RABEP1: variants seen among roughly 807,000 people sequenced by gnomAD.
RABEP1 encodes the protein rab GTPase-binding effector protein 1.
A neutral mutation model predicts 123.4 loss-of-function variants in RABEP1; 51 were observed. The ratio of observed to expected loss-of-function variants is 0.41; its 90% confidence interval spans 0.33 to 0.52. The LOEUF (loss-of-function observed/expected upper bound fraction) is 0.52. Ranked by LOEUF, RABEP1 falls within the 20% of genes least tolerant of loss-of-function variation. The probability of loss-of-function intolerance (pLI) is 0.16; values close to 1 mark genes in which losing one functional copy is unlikely to be tolerated. For synonymous variants in RABEP1, 347 were observed against 355.2 expected, an observed-to-expected ratio of 0.98 and a Z score of 0.26; for missense variants, 888 against 996.3, an observed-to-expected ratio of 0.89 and a Z score of 1.46.
intron 5 of RABEP1, 38 bp downstream of exon 5, chr17:5,338,176 G>C (rs1907264390): frequency 7.6e-6 from 12 of 1,580,806 alleles, no homozygotes; most frequent in Non-Finnish European, 9.5e-6. Context: ...TGAAACCCAA[G>C]TTTCTGCCCC....
chr17:5,286,950 A>G (rs2585294), intron 1 of RABEP1, among the ~76,000 whole-genome samples: 56,144 of 152,118 alleles, frequency 0.37, 12,596 homozygotes, highest in Non-Finnish European at 0.51. Flanking sequence ...TGAAGTAGAT[A>G]GAGGAGTTAG....
intron 12 of RABEP1, among the ~76,000 whole-genome samples, chr17:5,369,499 C>T (rs1033337216): frequency 6.6e-6 from 1 of 152,128 alleles, no homozygotes; most frequent in African/African-American, 2.4e-5. Flanking sequence ...ATCTGAATGG[C>T]CTATGAGCTG....
intron 2 of RABEP1, among the ~76,000 whole-genome samples, chr17:5,313,270 A>C (rs972071209): frequency 2.0e-5 from 3 of 152,142 alleles, no homozygotes; most frequent in African/African-American, 7.2e-5. Flanking sequence ...TGTATATATA[A>C]AAGGTTGTGG....
At chr17:5,376,450 ATTG>A (rs1423517843) in intron 13 of RABEP1, among the ~76,000 whole-genome samples, 1 of 152,212 alleles carries the variant, frequency 6.6e-6, no homozygotes, top group Non-Finnish European at 1.5e-5. Flanking sequence ...TTTTATATAT[ATTG>A]TTATTTGAGA....
chr17:5,363,294 A>G (rs1909724341), intron 10 of RABEP1, among the ~76,000 whole-genome samples: 1 of 150,570 alleles, frequency 6.6e-6, no homozygotes, highest in Non-Finnish European at 1.5e-5. Flanking sequence ...ATCTCAGCTC[A>G]CTGCAACTTC....
intron 9 of RABEP1, 85 bp from the exon 10 acceptor site, chr17:5,362,827 C>A: frequency 1.2e-6 from 1 of 866,734 alleles, no homozygotes; most frequent in South Asian, 1.5e-5. Context: ...CTACTGACTA[C>A]CATTGGTAAG....
intron 1 of RABEP1, among the ~76,000 whole-genome samples, chr17:5,292,245 T>G (rs1334954931): frequency 6.6e-6 from 1 of 152,222 alleles, no homozygotes; most frequent in East Asian, 1.9e-4. Flanking sequence ...TCTGACTGAT[T>G]TTAGTTGCAG....
At chr17:5,325,141 C>T (rs147985413) in intron 2 of RABEP1, among the ~76,000 whole-genome samples, 2 of 151,738 alleles carry the variant, frequency 1.3e-5, no homozygotes, top group Non-Finnish European at 1.5e-5. Context: ...GGTGAAACCC[C>T]GTCTCTACTA....
Position 5,331,934 on chromosome 17 carries a change from T to A in RABEP1, c.164-15T>A. On this transcript the variant is annotated splice_polypyrimidine_tract_variant and intron_variant, in intron 2 of 17. Coordinates refer to ENST00000537505, the MANE Select transcript of RABEP1 (RefSeq NM_004703.6). ...AAGTGAACATTAATGGACTATCTTT[T>A]ACTTTTCTCTCCAGAGGATCTGAAG... The A allele has an allele frequency of 6.2e-7, 1 of 1,611,616 alleles. No homozygotes were observed. Among genetic ancestry groups the A allele is most frequent in the Non-Finnish European group, 8.5e-7 (1 of 1,177,814 alleles).
chr17:5,326,815 TAAG>T lies in RABEP1; in HGVS notation c.164-5131_164-5129del, dbSNP rs568474560. Among the ~76,000 whole-genome samples, 649 of 152,236 alleles carry T rather than the reference TAAG, an allele frequency of 4.3e-3. 2 individuals are homozygous for T. Among genetic ancestry groups the T allele is most frequent in the Non-Finnish European group, 6.5e-3 (442 of 68,014 alleles). On this transcript the variant is annotated intron_variant, in intron 2 of 17. Transcript: ENST00000537505. ...ACTGCTAAAACGTTTATTAAAAAAA[TAAG>T]AAAATACAGTTATGCATTGCTTCGT...
At chr17:5,381,647 TCATTCAAGC>T in intron 17 of RABEP1, 142 bp downstream of exon 17, 1 of 1,379,064 alleles carries the variant, frequency 7.3e-7, no homozygotes, top group Non-Finnish European at 9.5e-7. Flanking sequence ...GTCTGACTCA[TCATTCAAGC>T]CAGAAACCTG....
At chr17:5,333,641 G>A (rs1906775346) in intron 3 of RABEP1, among the ~76,000 whole-genome samples, 1 of 152,114 alleles carries the variant, frequency 6.6e-6, no homozygotes, top group African/African-American at 2.4e-5. Context: ...CCCAACTACA[G>A]TGGCTTACCA....
intron 16 of RABEP1, 84 bp from the exon 17 acceptor site, chr17:5,381,305 G>A: frequency 6.4e-7 from 1 of 1,551,638 alleles, no homozygotes; most frequent in Non-Finnish European, 8.7e-7. Flanking sequence ...TTCTGCCCTA[G>A]TAGTAGGTAA....
intron 17 of RABEP1, among the ~76,000 whole-genome samples, chr17:5,381,987 CCATGCTCCCTCGGG>C (rs1448111459): frequency 6.6e-6 from 1 of 152,154 alleles, no homozygotes. Flanking sequence ...CCTCCCTCTG[CCATGCTCCCTCGGG>C]CACTCTATGA....
At chr17:5,326,452 CAAAA>C (rs938018972) in intron 2 of RABEP1, among the ~76,000 whole-genome samples, 6 of 151,690 alleles carry the variant, frequency 4.0e-5, no homozygotes, top group Admixed American at 2.6e-4. Flanking sequence ...ACTGTGGAAA[CAAAA>C]AAAAGATCAG....
At position 5,383,741 on chromosome 17, in the gene RABEP1, T is replaced by C. The variant is rs3026118; in HGVS notation, c.*518T>C. 1.2e-5 allele frequency: 2 copies of C among 169,980 alleles called. No individual in the cohort carries two copies. Among genetic ancestry groups the C allele is most frequent in the Non-Finnish European group, 2.0e-5 (2 of 100,184 alleles). 10.5% of individuals were successfully genotyped at this position (169,980 alleles called of 1,614,324 possible). A position where few individuals can be genotyped will look rare whatever the true frequency, so the allele number is the denominator to read the frequency against. On this transcript the variant is annotated 3_prime_UTR_variant, in exon 18 of 18. Coordinates refer to ENST00000537505, the MANE Select transcript of RABEP1 (RefSeq NM_004703.6). ...CAGGCCATTGGCTACTGACTGTATT[T>C]TGTTTTCCTTTTACCATTTTATCTT...
chr17:5,363,473 C>A lies in RABEP1; in HGVS notation c.1668+457C>A, dbSNP rs562634785. On this transcript the variant is annotated intron_variant, in intron 10 of 17. Transcript: ENST00000537505. ...GACTTCATGATCCACCTGCCTCAGC[C>A]TCCCAAAGTGTTGGGATTACAGGTG... Among the ~76,000 whole-genome samples, 6 of 152,226 alleles carry A rather than the reference C, an allele frequency of 3.9e-5. No individual in the cohort carries two copies. In the South Asian group the frequency reaches 1.2e-3, roughly 32 times the overall value.
chr17:5,377,443 A>G (rs2144726898), intron 14 of RABEP1, 138 bp downstream of exon 14: 2 of 516,222 alleles, frequency 3.9e-6, no homozygotes, highest in South Asian at 4.1e-5. Flanking sequence ...CATTTTTTGT[A>G]GATATTCTGA....
chr17:5,349,726 TTTC>T (rs1908358141), intron 6 of RABEP1, among the ~76,000 whole-genome samples: 2 of 152,302 alleles, frequency 1.3e-5, no homozygotes, highest in South Asian at 4.1e-4. Context: ...AGTTTTTTTT[TTTC>T]TTTTGTCAAA....
Sources: gnomAD v4.1 joint callset for allele counts (sites outside exome capture counted in the v4.1 genomes callset) on GRCh38, gnomAD v4.1.1 for gene constraint, MANE v1.5 for transcripts, NCBI Gene and HGNC (gene_info 2026-07-23, HGNC 2026-07-21) for gene names.